CELF2: variants seen among roughly 807,000 people sequenced by gnomAD.
CELF2 encodes CUG triplet repeat RNA-binding protein 2.
Under a neutral mutation model 62.6 loss-of-function variants are expected in CELF2, and 8 were observed. The ratio of observed to expected loss-of-function variants is 0.13; its 90% confidence interval spans 0.07 to 0.23. CELF2 has a LOEUF of 0.23. Among genes scored for constraint, CELF2 ranks in the 10% least tolerant of loss-of-function variants. The pLI is 1.00. For synonymous variants in CELF2, 258 were observed against 250.0 expected (o/e 1.03, Z -0.30); for missense variants, 333 against 671.0 (o/e 0.50, Z 5.56).
At chr10:10,924,868 C>G (rs2134888175) in intron 2 of CELF2, 1 of 152,076 alleles carries the variant, frequency 6.6e-6, no homozygotes, top group Admixed American at 6.5e-5. Context: ...ACGGAAATGC[C>G]TGGTTTGTGT....
chr10:10,485,465 G>T, the CELF2 span, among the ~76,000 whole-genome samples: 2 of 152,124 alleles, frequency 1.3e-5, no homozygotes, highest in Non-Finnish European at 2.9e-5. Context: ...AAGTCTTTTG[G>T]TTACAAGTGT....
At chr10:10,627,192 A>G in the CELF2 span, among the ~76,000 whole-genome samples, 1 of 152,218 alleles carries the variant, frequency 6.6e-6, no homozygotes, top group Non-Finnish European at 1.5e-5. Context: ...AGAGGTTCAC[A>G]GGAGTTTATA....
chr10:10,767,842 A>C, the CELF2 span, among the ~76,000 whole-genome samples: 1 of 146,506 alleles, frequency 6.8e-6, no homozygotes, highest in African/African-American at 2.5e-5. Context: ...TAAAAATACA[A>C]AAAATTAGCC....
At chr10:10,649,474 T>A in the CELF2 span, among the ~76,000 whole-genome samples, 3 of 152,078 alleles carry the variant, frequency 2.0e-5, no homozygotes, top group Non-Finnish European at 4.4e-5. Context: ...ATGGGTTGGA[T>A]CATTCCCAAA....
chr10:10,650,930 C>A, the CELF2 span, among the ~76,000 whole-genome samples: 19 of 149,722 alleles, frequency 1.3e-4, no homozygotes, highest in Non-Finnish European at 3.0e-5. Flanking sequence ...CGCAGAAGAC[C>A]GGTGATTTCT....
chr10:11,316,812 A>G lies in CELF2; in HGVS notation c.1096+2554A>G, dbSNP rs2095033604. 2 of 152,238 alleles carry G rather than the reference A, an allele frequency of 1.3e-5. No homozygotes were observed. The highest frequency in any genetic ancestry group is 2.4e-5 in the African/African-American group (1 of 41,456). The allele number at this position is 152,238 out of a possible 1,614,324, so 9.4% of individuals were successfully genotyped here. A position where few individuals can be genotyped will look rare whatever the true frequency, so the allele number is the denominator to read the frequency against. On this transcript the variant is annotated intron_variant, in intron 10 of 12. Coordinates refer to ENST00000633077, the MANE Select transcript of CELF2 (RefSeq NM_001326342.2). The surrounding 1 kb of genome is among the most constrained non-coding windows in gnomAD (Gnocchi z 4.4). ...AAAAAACGAAGTTTTTGGTCAGTAG[A>G]CAAGTAGCTCAATTAAACTGTTTGA...
chr10:10,471,719 T>C, the CELF2 span, among the ~76,000 whole-genome samples: 1 of 151,798 alleles, frequency 6.6e-6, no homozygotes, highest in African/African-American at 2.4e-5. Context: ...GAGAAAAAAA[T>C]ATGTTGATAT....
the CELF2 span, among the ~76,000 whole-genome samples, chr10:10,677,106 T>C: frequency 1.3e-5 from 2 of 152,208 alleles, no homozygotes; most frequent in African/African-American, 4.8e-5. Context: ...GCTATAGCAA[T>C]GTATAGTCTG....
chr10:11,295,031 G>A (rs1022164053), intron 9 of CELF2, among the ~76,000 whole-genome samples: 6 of 152,160 alleles, frequency 3.9e-5, no homozygotes, highest in Non-Finnish European at 8.8e-5. Context: ...CTGACCTCCC[G>A]GTCTTTGCTC....
In CELF2 at chr10:11,157,051, G is replaced by T. The variant is rs1054369336; in HGVS notation, c.75-8435G>T. ...GACCTCTCCACAGGATTCCCACAGC[G>T]TGTGAGAATGAAGGGTGGAAATGGA... is the stretch of plus-strand genomic sequence containing the variant. On this transcript the variant is annotated intron_variant, in intron 1 of 12. Coordinates refer to ENST00000633077, the MANE Select transcript of CELF2 (RefSeq NM_001326342.2). This position sits in a 1 kb window ranked among gnomAD's most constrained non-coding sequence, Gnocchi z 4.9. Among the ~76,000 whole-genome samples the T allele has an allele frequency of 3.3e-5, 5 of 152,104 alleles. No homozygotes were observed. The highest frequency in any genetic ancestry group is 1.2e-4 in the African/African-American group (5 of 41,382).
chr10:11,239,312 A>G (rs1469873026), intron 3 of CELF2, among the ~76,000 whole-genome samples: 1 of 152,210 alleles, frequency 6.6e-6, no homozygotes, highest in Non-Finnish European at 1.5e-5. Context: ...TTGGAGCCTG[A>G]TAAGCCAAAA....
the CELF2 span, among the ~76,000 whole-genome samples, chr10:10,598,934 G>A: frequency 6.6e-6 from 1 of 151,380 alleles, no homozygotes; most frequent in Non-Finnish European, 1.5e-5. Context: ...TGTATTTTTA[G>A]TAGAGATGGG....
the CELF2 span, among the ~76,000 whole-genome samples, chr10:10,688,020 C>T: frequency 6.6e-6 from 1 of 152,264 alleles, no homozygotes; most frequent in Non-Finnish European, 1.5e-5. Context: ...GCAAGGGCTA[C>T]TACTGCTGCT....
At chr10:11,056,512 A>C (rs1393542982) in intron 1 of CELF2, among the ~76,000 whole-genome samples, 1 of 152,262 alleles carries the variant, frequency 6.6e-6, no homozygotes, top group Non-Finnish European at 1.5e-5. Context: ...CATAAAATGC[A>C]CTAAGGTAGA....
chr10:11,127,702 T>G (rs1000354613), intron 1 of CELF2, among the ~76,000 whole-genome samples: 1 of 152,216 alleles, frequency 6.6e-6, no homozygotes, highest in Non-Finnish European at 1.5e-5. Context: ...CTTTTGAGAA[T>G]TGTCTGTTCA....
At chr10:10,716,412 A>T in the CELF2 span, among the ~76,000 whole-genome samples, 1 of 152,134 alleles carries the variant, frequency 6.6e-6, no homozygotes, top group African/African-American at 2.4e-5. Context: ...ATGGTGGCAC[A>T]CGCCTGTAGT....
Position 11,314,152 on chromosome 10 carries a change from C to G in CELF2, c.990C>G (p.Thr330=), listed in dbSNP as rs778429103. ...TCCTTTTTTCAGTGGCTGCTTCAACCCCCAACTCCACTGCTGGTGCAGCCA... is the reference window on the plus strand; with the variant it reads ...TCCTTTTTTCAGTGGCTGCTTCAACGCCCAACTCCACTGCTGGTGCAGCCA... ...GALTSPVAAS[T]PNSTAGAAMN... Residue 330 remains threonine (T), a synonymous_variant, in exon 10 of 13, where the codon ACC becomes ACG. Coordinates refer to ENST00000633077, the MANE Select transcript of CELF2 (RefSeq NM_001326342.2). This position sits in a 1 kb window ranked among gnomAD's most constrained non-coding sequence, Gnocchi z 5.3. 6 of 1,613,650 alleles carry G rather than the reference C, an allele frequency of 3.7e-6. No individual in the cohort carries two copies. In the African/African-American group the frequency reaches 8.0e-5, roughly 22 times the overall value.
At chr10:10,560,220 T>C in the CELF2 span, among the ~76,000 whole-genome samples, 3 of 152,184 alleles carry the variant, frequency 2.0e-5, no homozygotes, top group African/African-American at 7.2e-5. Flanking sequence ...AGGTGAGTAC[T>C]CCTCCTCTTC....
At chr10:10,646,311 A>G in the CELF2 span, among the ~76,000 whole-genome samples, 1 of 152,218 alleles carries the variant, frequency 6.6e-6, no homozygotes, top group Non-Finnish European at 1.5e-5. Flanking sequence ...ATGAACAAAG[A>G]CAGAGTATGT....
Sources: gnomAD v4.1 joint callset for allele counts (sites outside exome capture counted in the v4.1 genomes callset) on GRCh38, gnomAD v4.1.1 for gene constraint, Gnocchi (gnomAD v3.1) non-coding constraint, MANE v1.5 for transcripts, NCBI Gene and HGNC (gene_info 2026-07-23, HGNC 2026-07-21) for gene names.